ABCC5: variants seen among roughly 807,000 people sequenced by gnomAD.
ABCC5 encodes ATP-binding cassette sub-family C member 5.
A neutral mutation model predicts 160.9 loss-of-function variants in ABCC5; 61 were observed. The ratio of observed to expected loss-of-function variants is 0.38; its 90% confidence interval spans 0.31 to 0.47. The LOEUF is 0.47. Ranked by LOEUF, ABCC5 falls within the 20% of genes least tolerant of loss-of-function variation. ABCC5 has a pLI of 0.99. For synonymous variants in ABCC5, 666 were observed against 700.6 expected, an observed-to-expected ratio of 0.95 and a Z score of 0.78; for missense variants, 1,308 against 1,813.3, an observed-to-expected ratio of 0.72 and a Z score of 5.06.
In ABCC5 at chr3:183,980,714, G is replaced by GT. The variant is rs11364435; in HGVS notation, c.1147+1012dup. Among the ~76,000 whole-genome samples the GT allele has an allele frequency of 4.4e-3, 592 of 136,068 alleles. 5 individuals are homozygous for GT. Among genetic ancestry groups the GT allele is most frequent in the South Asian group, 0.018 (77 of 4,376 alleles). 89.3% of individuals were successfully genotyped at this position (136,068 alleles called of 152,430 possible). ...GCTGCCTTGCTCTGAACACTGTTTT[G>GT]TTTTTTTTTTTTTTTTTTGAGACAG... On this transcript the variant is annotated intron_variant, in intron 8 of 29. Coordinates refer to ENST00000334444, the MANE Select transcript of ABCC5 (RefSeq NM_005688.4).
chr3:183,960,952 A>G (rs1716672932), intron 16 of ABCC5, among the ~76,000 whole-genome samples: 1 of 151,814 alleles, frequency 6.6e-6, no homozygotes, highest in Non-Finnish European at 1.5e-5. Flanking sequence ...CACCTGGCTA[A>G]TTTTTGTATT....
chr3:183,978,013 A>G (rs915768515), intron 9 of ABCC5, among the ~76,000 whole-genome samples: 6 of 152,104 alleles, frequency 3.9e-5, no homozygotes, highest in African/African-American at 1.5e-4. Context: ...TCGGCCTCCC[A>G]AAGTGCTGGG....
At chr3:183,928,678 G>T in intron 27 of ABCC5, 69 bp downstream of exon 27, 1 of 1,410,580 alleles carries the variant, frequency 7.1e-7, no homozygotes, top group Non-Finnish European at 1.0e-6. Context: ...CAGACGGGGT[G>T]TGGCAAGGGC....
At chr3:183,942,662 T>C in intron 25 of ABCC5, 65 bp downstream of exon 25, 1 of 1,568,704 alleles carries the variant, frequency 6.4e-7, no homozygotes, top group Non-Finnish European at 8.7e-7. Flanking sequence ...TTTAAAGGGG[T>C]GAAAGTGATA....
chr3:183,936,151 GGGCACACACCACA>G, intron 26 of ABCC5, among the ~76,000 whole-genome samples: 1 of 151,968 alleles, frequency 6.6e-6, no homozygotes, highest in East Asian at 1.9e-4. Flanking sequence ...TCCTTTCCGC[GGGCACACACCACA>G]GGCATGCACC....
intron 27 of ABCC5, 53 bp from the exon 28 acceptor site, chr3:183,927,496 C>A: frequency 6.4e-7 from 1 of 1,560,364 alleles, no homozygotes; most frequent in East Asian, 2.4e-5. Flanking sequence ...GCTGAATTTC[C>A]TGAAAATCCA....
chr3:183,989,641 T>C (rs571108236), intron 2 of ABCC5, among the ~76,000 whole-genome samples: 32 of 151,550 alleles, frequency 2.1e-4, no homozygotes, highest in African/African-American at 7.8e-4. Context: ...ACTAATCAGA[T>C]AGTACAGAAT....
At chr3:183,980,806 G>C (rs1244453802) in intron 8 of ABCC5, among the ~76,000 whole-genome samples, 1 of 151,062 alleles carries the variant, frequency 6.6e-6, no homozygotes, top group African/African-American at 2.4e-5. Context: ...TCCGCCTCTT[G>C]GGTTCAAGCG....
intron 5 of ABCC5, chr3:183,985,220 TA>T: frequency 7.9e-7 from 1 of 1,263,326 alleles, no homozygotes; most frequent in Non-Finnish European, 1.1e-6. Context: ...CATTTAAATC[TA>T]AACAAACTGG....
At chr3:183,959,052 T>TACACAC (rs59592606) in intron 17 of ABCC5, among the ~76,000 whole-genome samples, 26,260 of 147,962 alleles carry the variant, frequency 0.18, 2,813 homozygotes, top group East Asian at 0.51. Context: ...ATCTATACAG[T>TACACAC]ACACACACAC....
chr3:183,999,620 A>AT (rs554677028), intron 2 of ABCC5, among the ~76,000 whole-genome samples: 200 of 152,018 alleles, frequency 1.3e-3, no homozygotes, highest in Admixed American at 2.1e-3. Flanking sequence ...TATATACAGC[A>AT]TTTTTTAAAA....
chr3:183,934,522 C>G (rs932484456), intron 26 of ABCC5, among the ~76,000 whole-genome samples: 1 of 152,154 alleles, frequency 6.6e-6, no homozygotes, highest in African/African-American at 2.4e-5. Context: ...AGCTACAAAC[C>G]CAGGACAGCA....
chr3:183,954,922 G>C (rs572437470), intron 17 of ABCC5, among the ~76,000 whole-genome samples: 1 of 152,284 alleles, frequency 6.6e-6, no homozygotes, highest in East Asian at 1.9e-4. Flanking sequence ...GCAACATGGG[G>C]CAGGGAGGTG....
intron 26 of ABCC5, among the ~76,000 whole-genome samples, chr3:183,933,165 C>CAA (rs55863712): frequency 0.023 from 1,676 of 72,508 alleles, 49 homozygotes; most frequent in Admixed American, 0.091. Context: ...GAGACTGTCT[C>CAA]AAAAAAAAAA....
chr3:183,947,227 T>G, intron 23 of ABCC5, 97 bp downstream of exon 23: 3 of 1,285,544 alleles, frequency 2.3e-6, no homozygotes, highest in Non-Finnish European at 3.1e-6. Flanking sequence ...GGTGAAATAA[T>G]GGCTCAGGGT....
At chr3:183,965,610 T>C (rs1247431417) in intron 12 of ABCC5, 109 bp from the exon 13 acceptor site, 1 of 1,460,796 alleles carries the variant, frequency 6.8e-7, no homozygotes, top group Non-Finnish European at 9.3e-7. Context: ...TTTCCCGGGA[T>C]GCTTTTTGGA....
chr3:183,977,737 T>G (rs1718346557), intron 9 of ABCC5, 113 bp from the exon 10 acceptor site: 1 of 693,062 alleles, frequency 1.4e-6, no homozygotes, highest in East Asian at 2.9e-5. Context: ...CACGGTCAGC[T>G]GTTATTACAA....
intron 2 of ABCC5, among the ~76,000 whole-genome samples, chr3:184,006,071 C>T (rs1353968296): frequency 2.0e-5 from 3 of 152,088 alleles, no homozygotes; most frequent in Non-Finnish European, 4.4e-5. Context: ...CTGATGATCC[C>T]GGCAGCAGCC....
intron 17 of ABCC5, among the ~76,000 whole-genome samples, chr3:183,956,500 A>G (rs1311146419): frequency 3.4e-5 from 5 of 148,864 alleles, no homozygotes; most frequent in African/African-American, 5.0e-5. Flanking sequence ...TTACATGCGG[A>G]TCCGTGTGTA....
Sources: gnomAD v4.1 joint callset for allele counts (sites outside exome capture counted in the v4.1 genomes callset) on GRCh38, gnomAD v4.1.1 for gene constraint, MANE v1.5 for transcripts, NCBI Gene and HGNC (gene_info 2026-07-23, HGNC 2026-07-21) for gene names.